Variants in DLGAP1 observed in about 807,000 individuals in gnomAD.
DLGAP1 encodes the protein DLG associated protein 1, also known as disks large-associated protein 1.
A neutral mutation model predicts 90.8 loss-of-function variants in DLGAP1; 11 were observed. The observed-to-expected ratio is 0.12, with a 90% CI of 0.08 to 0.20. The LOEUF is 0.20. DLGAP1 is among the 10% of genes least tolerant of loss of function. DLGAP1 has a pLI of 1.00. For synonymous variants in DLGAP1, 558 were observed against 540.7 expected (o/e 1.03, Z -0.44); for missense variants, 1,050 against 1,333.8 (o/e 0.79, Z 3.31).
intron 2 of DLGAP1, among the ~76,000 whole-genome samples, chr18:4,036,075 T>C (rs1036038003): frequency 1.3e-5 from 2 of 152,154 alleles, no homozygotes; most frequent in African/African-American, 2.4e-5. Context: ...GATGGAAAGA[T>C]AGAACAGATA....
At chr18:4,417,545 A>G (rs1290179147) in intron 1 of DLGAP1, among the ~76,000 whole-genome samples, 1 of 152,174 alleles carries the variant, frequency 6.6e-6, no homozygotes, top group Non-Finnish European at 1.5e-5. Context: ...TTTAAGGTAA[A>G]GAAAGCTGGG....
chr18:3,923,700 T>C (rs1319919532), intron 3 of DLGAP1, among the ~76,000 whole-genome samples: 1 of 152,226 alleles, frequency 6.6e-6, no homozygotes, highest in Non-Finnish European at 1.5e-5. Context: ...GTGATACCAA[T>C]TTCTATCGTG....
At chr18:4,134,788 AT>A (rs1028307260) in intron 2 of DLGAP1, among the ~76,000 whole-genome samples, 2 of 151,982 alleles carry the variant, frequency 1.3e-5, no homozygotes, top group African/African-American at 2.4e-5. Flanking sequence ...CCAGGACATG[AT>A]TTTTTTTCCC....
chr18:4,050,119 C>T (rs763057769), intron 2 of DLGAP1, among the ~76,000 whole-genome samples: 4 of 152,148 alleles, frequency 2.6e-5, no homozygotes, highest in African/African-American at 4.8e-5. Flanking sequence ...TGTGATAAGT[C>T]GCTGTCTCAT....
chr18:4,379,366 G>T (rs1319369863), intron 1 of DLGAP1, among the ~76,000 whole-genome samples: 1 of 152,070 alleles, frequency 6.6e-6, no homozygotes, highest in Admixed American at 6.6e-5. Flanking sequence ...GAATACTACT[G>T]CCATCTTTTA....
chr18:4,027,959 T>G (rs558758822), intron 2 of DLGAP1, among the ~76,000 whole-genome samples: 33 of 152,288 alleles, frequency 2.2e-4, no homozygotes, highest in South Asian at 1.5e-3. Flanking sequence ...CTTCCTCAAA[T>G]GGCCCTTGAT....
At chr18:4,268,220 C>G (rs11660004) in intron 1 of DLGAP1, among the ~76,000 whole-genome samples, 3,815 of 152,272 alleles carry the variant, frequency 0.025, 102 homozygotes, top group African/African-American at 0.061. Context: ...GAAACAAGTA[C>G]AATTCCCTTG....
At chr18:3,707,251 A>T (rs1470043575) in intron 7 of DLGAP1, among the ~76,000 whole-genome samples, 2 of 152,180 alleles carry the variant, frequency 1.3e-5, no homozygotes, top group African/African-American at 4.8e-5. Flanking sequence ...TGGTGTGAAG[A>T]TCTCTATCTT....
intron 1 of DLGAP1, among the ~76,000 whole-genome samples, chr18:4,271,719 C>T (rs184017960): frequency 1.4e-4 from 22 of 152,268 alleles, no homozygotes; most frequent in African/African-American, 5.3e-4. Context: ...TGATTCTTAT[C>T]ATGCCTCAGT....
chr18:4,276,681 A>T (rs567027023), intron 1 of DLGAP1, among the ~76,000 whole-genome samples: 1 of 152,216 alleles, frequency 6.6e-6, no homozygotes, highest in African/African-American at 2.4e-5. Flanking sequence ...GGAGTATTTC[A>T]TGGTAAAAGT....
chr18:3,911,492 G>A (rs566761515), intron 3 of DLGAP1, among the ~76,000 whole-genome samples: 62 of 152,288 alleles, frequency 4.1e-4, no homozygotes, highest in African/African-American at 1.4e-3. Flanking sequence ...GACTCTGTCA[G>A]TAGATGGATT....
At chr18:4,029,413 C>T (rs190073260) in intron 2 of DLGAP1, among the ~76,000 whole-genome samples, 195 of 152,168 alleles carry the variant, frequency 1.3e-3, no homozygotes, top group African/African-American at 4.3e-3. Context: ...TTTTTGAGGA[C>T]CTTCCATATT....
At chr18:4,362,976 T>C (rs960467112) in intron 1 of DLGAP1, among the ~76,000 whole-genome samples, 6 of 152,060 alleles carry the variant, frequency 3.9e-5, no homozygotes, top group African/African-American at 4.8e-5. Flanking sequence ...CCAATCCCCT[T>C]GGCATTACTG....
intron 1 of DLGAP1, among the ~76,000 whole-genome samples, chr18:4,267,592 C>A (rs1235276828): frequency 6.6e-6 from 1 of 152,188 alleles, no homozygotes; most frequent in Admixed American, 6.5e-5. Context: ...CAGCTGCATA[C>A]AAAATTACTC....
intron 7 of DLGAP1, among the ~76,000 whole-genome samples, chr18:3,674,386 C>T (rs1017613041): frequency 1.2e-4 from 18 of 149,762 alleles, no homozygotes; most frequent in African/African-American, 3.9e-4. Context: ...TGGGAGGCTG[C>T]GGTGAGACAA....
At position 3,581,895 on chromosome 18, in the gene DLGAP1, A is replaced by G; in HGVS notation, c.1945T>C (p.Cys649Arg). The G allele has an allele frequency of 6.2e-7, 1 of 1,614,150 alleles. No homozygotes were observed. Among genetic ancestry groups the G allele is most frequent in the African/African-American group, 1.3e-5 (1 of 75,034 alleles). The change falls in exon 8 of 13, where the codon TGC (cysteine) becomes CGC (arginine). Residue 649 changes from cysteine to arginine, a missense_variant. Coordinates refer to ENST00000315677, the MANE Select transcript of DLGAP1 (RefSeq NM_004746.4). Reference protein sequence around the residue: ...RKKDHFKKNRCLSIGIQVDDA... With the variant: ...RKKDHFKKNRRLSIGIQVDDA... ...GTTACCTGTATCCCGATAGACAGGC[A>G]TCGATTTTTCTTAAAGTGGTCCTTC...
chr18:3,580,530 C>A, intron 8 of DLGAP1: 3 of 1,597,162 alleles, frequency 1.9e-6, no homozygotes, highest in Non-Finnish European at 2.6e-6. Context: ...GCGGCGGCAG[C>A]GGAGATGGCA....
chr18:4,397,367 T>G (rs1465135262), intron 1 of DLGAP1, among the ~76,000 whole-genome samples: 1 of 152,200 alleles, frequency 6.6e-6, no homozygotes, highest in African/African-American at 2.4e-5. Context: ...AATAGATCAT[T>G]TTAAATTAGT....
chr18:4,008,684 CG>C (rs2074354874), intron 2 of DLGAP1, among the ~76,000 whole-genome samples: 1 of 152,054 alleles, frequency 6.6e-6, no homozygotes, highest in Non-Finnish European at 1.5e-5. Context: ...AAACCAGTGA[CG>C]GGGAAAAAAA....
Sources: gnomAD v4.1 joint callset for allele counts (sites outside exome capture counted in the v4.1 genomes callset) on GRCh38, gnomAD v4.1.1 for gene constraint, MANE v1.5 for transcripts, NCBI Gene and HGNC (gene_info 2026-07-23, HGNC 2026-07-21) for gene names.